Variants in OPCML observed in about 807,000 individuals in gnomAD.
The protein encoded by OPCML is opioid binding protein/cell adhesion molecule like, also known as opioid-binding protein/cell adhesion molecule.
OPCML carries 13 observed loss-of-function variants against 37.8 expected under a neutral mutation model. The ratio of observed to expected loss-of-function variants is 0.34; its 90% CI spans 0.22 to 0.55. The LOEUF (loss-of-function observed/expected upper bound fraction) is 0.55. Among genes scored for constraint, OPCML ranks in the 20% least tolerant of loss-of-function variants. The pLI is 0.91. For missense variants in OPCML, 341 were observed against 435.6 expected (o/e 0.78, Z 1.93); for synonymous variants, 176 against 168.8 (o/e 1.04, Z -0.33).
At chr11:132,717,188 G>A (rs1197025314) in intron 2 of OPCML, among the ~76,000 whole-genome samples, 1 of 152,104 alleles carries the variant, frequency 6.6e-6, no homozygotes, top group Non-Finnish European at 1.5e-5. Context: ...TGACCACTTT[G>A]TTATTGGATG....
At chr11:133,365,285 C>T (rs1006961138) in intron 1 of OPCML, 2 of 152,518 alleles carry the variant, frequency 1.3e-5, no homozygotes, top group East Asian at 1.9e-4. Flanking sequence ...ACCATAGGCT[C>T]GGTGACTTAA....
intron 1 of OPCML, among the ~76,000 whole-genome samples, chr11:133,430,197 T>C (rs1425008610): frequency 6.6e-6 from 1 of 152,038 alleles, no homozygotes; most frequent in Non-Finnish European, 1.5e-5. Context: ...GGGGAAGGCA[T>C]TGATGACTTG....
At chr11:132,980,077 T>G (rs765262754) in intron 1 of OPCML, among the ~76,000 whole-genome samples, 4 of 152,148 alleles carry the variant, frequency 2.6e-5, no homozygotes, top group Non-Finnish European at 5.9e-5. Flanking sequence ...CTATAGTGCC[T>G]CAAAATGTGA....
At chr11:133,328,299 A>G (rs1943528717) in intron 1 of OPCML, among the ~76,000 whole-genome samples, 1 of 151,888 alleles carries the variant, frequency 6.6e-6, no homozygotes, top group Non-Finnish European at 1.5e-5. Context: ...CTGGGATTAC[A>G]GGTGCCTGCC....
At chr11:133,504,621 G>T (rs1233133911) in intron 1 of OPCML, among the ~76,000 whole-genome samples, 1 of 152,190 alleles carries the variant, frequency 6.6e-6, no homozygotes, top group Non-Finnish European at 1.5e-5. Context: ...CCCCAGCTTT[G>T]TTGCGGCGAT....
chr11:132,821,631 G>T (rs1441791015), intron 2 of OPCML, among the ~76,000 whole-genome samples: 2 of 152,230 alleles, frequency 1.3e-5, no homozygotes, highest in African/African-American at 4.8e-5. Context: ...GCCCCAGATT[G>T]CTGATTGGAC....
At chr11:133,125,885 ATAG>A (rs1423918536) in intron 1 of OPCML, among the ~76,000 whole-genome samples, 75 of 120,568 alleles carry the variant, frequency 6.2e-4, no homozygotes, top group South Asian at 1.4e-3. Context: ...ACACATGTAT[ATAG>A]TATATACACA....
chr11:132,631,447 C>T (rs1421765757), intron 3 of OPCML, among the ~76,000 whole-genome samples: 1 of 146,832 alleles, frequency 6.8e-6, no homozygotes. Context: ...TATATACATA[C>T]ATATGTATAT....
chr11:132,840,314 A>C (rs1941232721), intron 2 of OPCML, among the ~76,000 whole-genome samples: 1 of 152,202 alleles, frequency 6.6e-6, no homozygotes, highest in Non-Finnish European at 1.5e-5. Flanking sequence ...TTGCCTTTGA[A>C]ATATTAGAAA....
intron 4 of OPCML, among the ~76,000 whole-genome samples, chr11:132,441,215 T>TGGAGTGCA (rs1427367396): frequency 2.4e-5 from 3 of 124,006 alleles, no homozygotes; most frequent in Non-Finnish European, 4.8e-5. Flanking sequence ...TCGCCCAGGC[T>TGGAGTGCA]GGAGTGCAGT....
intron 3 of OPCML, among the ~76,000 whole-genome samples, chr11:132,630,494 T>A (rs1056790464): frequency 2.0e-5 from 3 of 152,066 alleles, no homozygotes; most frequent in Non-Finnish European, 4.4e-5. Context: ...ATGTATTTGT[T>A]AAATTGATAA....
chr11:132,599,851 A>G (rs970257857), intron 3 of OPCML, among the ~76,000 whole-genome samples: 7 of 152,330 alleles, frequency 4.6e-5, no homozygotes, highest in African/African-American at 1.2e-4. Flanking sequence ...GAGCCATAGT[A>G]TATGCAAACA....
chr11:133,245,339 T>G (rs1436831850), intron 1 of OPCML, among the ~76,000 whole-genome samples: 2 of 152,232 alleles, frequency 1.3e-5, no homozygotes, highest in Non-Finnish European at 2.9e-5. Flanking sequence ...TTTTAGGAAC[T>G]TTTAGACACA....
intron 3 of OPCML, among the ~76,000 whole-genome samples, chr11:132,559,503 C>T (rs1158916754): frequency 6.6e-6 from 1 of 152,160 alleles, no homozygotes; most frequent in East Asian, 1.9e-4. Context: ...CTGGACGCCA[C>T]CAGCTTGCCG....
At chr11:132,966,907 A>G (rs542518970) in intron 1 of OPCML, among the ~76,000 whole-genome samples, 1 of 152,132 alleles carries the variant, frequency 6.6e-6, no homozygotes, top group African/African-American at 2.4e-5. Flanking sequence ...TTTATTTTTT[A>G]AAGTTCAACC....
At chr11:133,101,160 T>C (rs1438875024) in intron 1 of OPCML, among the ~76,000 whole-genome samples, 1 of 152,172 alleles carries the variant, frequency 6.6e-6, no homozygotes, top group Non-Finnish European at 1.5e-5. Context: ...CCTGACCTTG[T>C]GATCTGCCTG....
chr11:133,373,799 G>A (rs974667086), intron 1 of OPCML, among the ~76,000 whole-genome samples: 4 of 152,060 alleles, frequency 2.6e-5, no homozygotes, highest in Non-Finnish European at 5.9e-5. Context: ...TTTCTCTTAT[G>A]TTATGGTCAT....
intron 1 of OPCML, among the ~76,000 whole-genome samples, chr11:133,018,602 T>C (rs915160637): frequency 1.3e-5 from 2 of 152,168 alleles, no homozygotes; most frequent in African/African-American, 2.4e-5. Flanking sequence ...TGAATTGTGC[T>C]CCGCGCTGTA....
chr11:133,490,498 G>C (rs571983403), intron 1 of OPCML, among the ~76,000 whole-genome samples: 1 of 152,174 alleles, frequency 6.6e-6, no homozygotes, highest in Non-Finnish European at 1.5e-5. Flanking sequence ...GAAGTAAAAC[G>C]AGGGTCAGGA....
Sources: gnomAD v4.1 joint callset for allele counts (sites outside exome capture counted in the v4.1 genomes callset) on GRCh38, gnomAD v4.1.1 for gene constraint, MANE v1.5 for transcripts, NCBI Gene and HGNC (gene_info 2026-07-23, HGNC 2026-07-21) for gene names.